Variants in C11orf65 observed in about 807,000 individuals in gnomAD.
The protein encoded by C11orf65 is chromosome 11 open reading frame 65.
In C11orf65, 38 loss-of-function variants were observed where a neutral mutation model predicts 35.3. The observed-to-expected ratio is 1.08, with a 90% CI of 0.83 to 1.41. The LOEUF is 1.41. C11orf65 is among the 40% of genes most tolerant of loss of function. The pLI is 0.00. For missense variants in C11orf65, 370 were observed against 367.1 expected (o/e 1.01, Z -0.06); for synonymous variants, 105 against 114.4 (o/e 0.92, Z 0.53).
intron 2 of C11orf65, among the ~76,000 whole-genome samples, chr11:108,454,774 A>C (rs1591604530): frequency 1.3e-5 from 2 of 152,182 alleles, no homozygotes; most frequent in South Asian, 4.2e-4. Flanking sequence ...TGTTTTTATT[A>C]GTTAGTCTAG....
intron 1 of C11orf65, among the ~76,000 whole-genome samples, chr11:108,467,035 A>C (rs1196252416): frequency 6.6e-6 from 1 of 152,216 alleles, no homozygotes; most frequent in Non-Finnish European, 1.5e-5. Context: ...CTCTAAAAAA[A>C]CTGAAAAGAC....
intron 3 of C11orf65, among the ~76,000 whole-genome samples, chr11:108,429,538 T>C (rs999356940): frequency 6.6e-6 from 1 of 152,238 alleles, no homozygotes; most frequent in Non-Finnish European, 1.5e-5. Context: ...TGTGCATTAT[T>C]GGTGAGAGTA....
chr11:108,405,319 G>A, intron 6 of C11orf65, 110 bp downstream of exon 6: 1 of 1,101,320 alleles, frequency 9.1e-7, no homozygotes, highest in Non-Finnish European at 1.3e-6. Context: ...AGGGTCTGCG[G>A]GCAGACCCCC....
At chr11:108,373,657 G>A (rs2091633117) in intron 2 of C11orf65, among the ~76,000 whole-genome samples, 1 of 152,236 alleles carries the variant, frequency 6.6e-6, no homozygotes, top group African/African-American at 2.4e-5. Flanking sequence ...TCACTAGGGA[G>A]TGCCAGACAG....
intron 2 of C11orf65, among the ~76,000 whole-genome samples, chr11:108,440,668 T>G (rs2093137983): frequency 6.6e-6 from 1 of 152,184 alleles, no homozygotes; most frequent in Admixed American, 6.5e-5. Flanking sequence ...GCAGTTATCC[T>G]TCCTACATGG....
chr11:108,340,522 A>G (rs889159442), intron 2 of C11orf65, among the ~76,000 whole-genome samples: 9 of 152,304 alleles, frequency 5.9e-5, no homozygotes, highest in African/African-American at 1.9e-4. Flanking sequence ...AGCAAGTCCT[A>G]TTGGTCAACT....
chr11:108,386,899 G>T (rs1428846154), intron 7 of C11orf65, among the ~76,000 whole-genome samples: 2 of 151,890 alleles, frequency 1.3e-5, no homozygotes, highest in Non-Finnish European at 2.9e-5. Context: ...GGCTAACACG[G>T]TGAAACCCCA....
At chr11:108,374,917 C>T (rs1027628436) in intron 2 of C11orf65, among the ~76,000 whole-genome samples, 2 of 151,832 alleles carry the variant, frequency 1.3e-5, no homozygotes, top group East Asian at 1.9e-4. Context: ...TAAAATGAAG[C>T]GAGAAGGGAA....
intron 2 of C11orf65, among the ~76,000 whole-genome samples, chr11:108,357,088 G>A (rs879528167): frequency 6.6e-6 from 1 of 152,352 alleles, no homozygotes; most frequent in East Asian, 1.9e-4. Context: ...GTGGGTGCAC[G>A]CACTGTGCGC....
At chr11:108,333,746 C>T (rs377644946) in intron 3 of C11orf65, 2 of 765,546 alleles carry the variant, frequency 2.6e-6, no homozygotes, top group Admixed American at 1.9e-5. Flanking sequence ...GGCCAAAGCC[C>T]AGAGTCTTCA....
intron 2 of C11orf65, among the ~76,000 whole-genome samples, chr11:108,342,945 G>A (rs566345036): frequency 6.6e-5 from 10 of 152,254 alleles, no homozygotes; most frequent in Non-Finnish European, 1.0e-4. Context: ...GACAGATGAC[G>A]GTGAGTATAG....
intron 3 of C11orf65, chr11:108,331,689 C>A (rs988206152): frequency 2.5e-5 from 34 of 1,340,546 alleles, no homozygotes; most frequent in Non-Finnish European, 3.3e-5. Context: ...CTTCTCACAT[C>A]ACATAAGTTA....
chr11:108,404,246 T>C (rs1043246974), intron 6 of C11orf65, among the ~76,000 whole-genome samples: 2 of 152,246 alleles, frequency 1.3e-5, no homozygotes, highest in African/African-American at 4.8e-5. Flanking sequence ...CAAGTGAAGC[T>C]GTAATGTATA....
intron 6 of C11orf65, among the ~76,000 whole-genome samples, chr11:108,311,336 T>G (rs1182672497): frequency 6.6e-6 from 1 of 151,944 alleles, no homozygotes; most frequent in Non-Finnish European, 1.5e-5. Flanking sequence ...GATAAGGAAG[T>G]GGATCGGTAG....
intron 2 of C11orf65, among the ~76,000 whole-genome samples, chr11:108,443,471 A>G (rs967213908): frequency 3.3e-5 from 5 of 152,184 alleles, no homozygotes; most frequent in Admixed American, 2.0e-4. Context: ...TGCACCAAGC[A>G]GACCTCATAG....
At position 108,406,753 on chromosome 11, in the gene C11orf65, CTT is replaced by C; in HGVS notation, c.429+8_429+9del. On this transcript the variant is annotated splice_region_variant and intron_variant, in intron 5 of 8. Coordinates refer to ENST00000393084, the MANE Select transcript of C11orf65 (RefSeq NM_152587.5). ...CGTAAGGTTAAAAATTAACATTTCT[CTT>C]TTCTTACTGTATCAGAAACTGGCCT... 6.5e-7 allele frequency: 1 copy of C among 1,543,512 alleles called. No individual in the cohort carries two copies. Among genetic ancestry groups the C allele is most frequent in the Middle Eastern group, 2.2e-4 (1 of 4,642 alleles).
At chr11:108,438,560 A>G (rs2093102079) in intron 2 of C11orf65, among the ~76,000 whole-genome samples, 1 of 152,024 alleles carries the variant, frequency 6.6e-6, no homozygotes, top group Non-Finnish European at 1.5e-5. Flanking sequence ...GGAAAAAAAA[A>G]AAATCAAAGA....
chr11:108,458,675 TC>T (rs1244617041), intron 2 of C11orf65, among the ~76,000 whole-genome samples: 1 of 152,150 alleles, frequency 6.6e-6, no homozygotes, highest in Non-Finnish European at 1.5e-5. Context: ...AATGCCTATT[TC>T]CCCATGCCCT....
downstream of C11orf65, among the ~76,000 whole-genome samples, chr11:108,328,649 A>C (rs2085934883): frequency 6.6e-6 from 1 of 152,228 alleles, no homozygotes; most frequent in African/African-American, 2.4e-5. Context: ...TTGAAAAGTC[A>C]AGAAAATACC....
Sources: allele counts gnomAD v4.1 joint callset (sites outside exome capture counted in the v4.1 genomes callset), GRCh38; gene constraint gnomAD v4.1.1; transcripts MANE v1.5; gene names NCBI Gene and HGNC (gene_info 2026-07-23, HGNC 2026-07-21).